The following UBAP2 variants were observed in gnomAD, a reference collection of about 807,000 sequenced individuals.
UBAP2 encodes the protein ubiquitin-associated protein 2.
Under a neutral mutation model 139.6 loss-of-function variants are expected in UBAP2, and 75 were observed. The observed-to-expected ratio is 0.54, with a 90% confidence interval of 0.45 to 0.65. The LOEUF (loss-of-function observed/expected upper bound fraction) is 0.65. Among genes scored for constraint, UBAP2 ranks in the 30% least tolerant of loss-of-function variants. The pLI is 0.00. For missense variants in UBAP2, 1,368 were observed against 1,369.6 expected (o/e 1.00, Z 0.02); for synonymous variants, 526 against 526.2 (o/e 1.00, Z 0.01).
At chr9:34,012,777 A>T (rs1295612804) in intron 2 of UBAP2, among the ~76,000 whole-genome samples, 3 of 152,120 alleles carry the variant, frequency 2.0e-5, no homozygotes, top group Admixed American at 2.0e-4. Context: ...GGGGAATCTG[A>T]AAAAAGGGTA....
intron 1 of UBAP2, among the ~76,000 whole-genome samples, chr9:34,018,426 C>T (rs1294690905): frequency 6.6e-6 from 1 of 150,942 alleles, no homozygotes; most frequent in Non-Finnish European, 1.5e-5. Context: ...GTGGTACAAC[C>T]ATCATTAAAA....
intron 1 of UBAP2, among the ~76,000 whole-genome samples, chr9:34,021,192 A>C (rs1824910908): frequency 6.6e-6 from 1 of 152,190 alleles, no homozygotes; most frequent in South Asian, 2.1e-4. Context: ...TAGCCAGAAA[A>C]GGTCTGACAA....
intron 2 of UBAP2, among the ~76,000 whole-genome samples, chr9:34,006,356 C>T (rs913789272): frequency 2.0e-5 from 3 of 151,780 alleles, no homozygotes; most frequent in African/African-American, 7.3e-5. Flanking sequence ...ACAAACTTGT[C>T]AAGAGCAATG....
intron 1 of UBAP2, among the ~76,000 whole-genome samples, chr9:34,029,476 C>G (rs1825700473): frequency 6.6e-6 from 1 of 151,398 alleles, no homozygotes; most frequent in African/African-American, 2.4e-5. Flanking sequence ...TTGCAATGAG[C>G]CAAGATTATG....
chr9:34,004,362 T>C (rs2131217246), intron 2 of UBAP2, among the ~76,000 whole-genome samples: 1 of 152,222 alleles, frequency 6.6e-6, no homozygotes, highest in South Asian at 2.1e-4. Flanking sequence ...GTAAGTGCTG[T>C]AGTCCCAGCT....
intron 17 of UBAP2, chr9:33,935,636 G>C (rs1442271252): frequency 4.8e-6 from 3 of 628,706 alleles, no homozygotes; most frequent in Non-Finnish European, 8.5e-6. Context: ...AAGAATATGA[G>C]ACCACCACCT....
intron 6 of UBAP2, among the ~76,000 whole-genome samples, chr9:33,973,888 G>C (rs1470859529): frequency 6.6e-6 from 1 of 152,150 alleles, no homozygotes; most frequent in Non-Finnish European, 1.5e-5. Context: ...AGAAAAAATA[G>C]ACAAAATGGA....
intron 1 of UBAP2, among the ~76,000 whole-genome samples, chr9:34,018,525 T>A (rs925562849): frequency 6.6e-6 from 1 of 151,924 alleles, no homozygotes; most frequent in African/African-American, 2.4e-5. Flanking sequence ...CAAAAACAAA[T>A]CTCAAAGCAG....
At chr9:33,974,222 T>C (rs554176945) in intron 6 of UBAP2, among the ~76,000 whole-genome samples, 2 of 152,186 alleles carry the variant, frequency 1.3e-5, no homozygotes, top group South Asian at 4.1e-4. Context: ...ACAAAACACA[T>C]ATTGGCTAGG....
chr9:34,017,270 AATAAAAG>A, intron 1 of UBAP2, 81 bp from the exon 2 acceptor site: 1 of 566,608 alleles, frequency 1.8e-6, no homozygotes, highest in East Asian at 3.4e-5. Flanking sequence ...GGACACTTAC[AATAAAAG>A]ATAAAAGCTC....
At chr9:33,936,940 A>T (rs1824584715) in intron 16 of UBAP2, among the ~76,000 whole-genome samples, 1 of 150,836 alleles carries the variant, frequency 6.6e-6, no homozygotes, top group African/African-American at 2.4e-5. Context: ...AAAAAAAAAA[A>T]AAAAAAAAAA....
intron 1 of UBAP2, among the ~76,000 whole-genome samples, chr9:34,033,672 C>T (rs973792454): frequency 1.3e-4 from 20 of 151,502 alleles, no homozygotes; most frequent in East Asian, 3.9e-4. Flanking sequence ...CTGCCTCCTG[C>T]GCTCAAGAGA....
intron 21 of UBAP2, 68 bp from the exon 22 acceptor site, chr9:33,926,732 A>G: frequency 6.4e-7 from 1 of 1,563,546 alleles, no homozygotes; most frequent in East Asian, 2.2e-5. Context: ...AGGTCCATCT[A>G]GGAGTCAAAA....
At chr9:34,007,739 C>A (rs1350230701) in intron 2 of UBAP2, among the ~76,000 whole-genome samples, 1 of 151,124 alleles carries the variant, frequency 6.6e-6, no homozygotes, top group African/African-American at 2.4e-5. Context: ...CCCCGATTCA[C>A]GCCATTCTCC....
At chr9:33,960,662 C>A (rs1251080613) in intron 10 of UBAP2, among the ~76,000 whole-genome samples, 164 bp downstream of exon 10, 2 of 152,004 alleles carry the variant, frequency 1.3e-5, no homozygotes, top group Non-Finnish European at 2.9e-5. Flanking sequence ...CATCTGTAAT[C>A]CCAGCTATTT....
chr9:33,969,106 C>T (rs1827696970), intron 8 of UBAP2, among the ~76,000 whole-genome samples: 1 of 152,162 alleles, frequency 6.6e-6, no homozygotes, highest in African/African-American at 2.4e-5. Context: ...TCCCCCCAGA[C>T]AGACCTGTTC....
At chr9:34,004,157 G>A (rs1822973204) in intron 2 of UBAP2, among the ~76,000 whole-genome samples, 1 of 152,098 alleles carries the variant, frequency 6.6e-6, no homozygotes, top group Non-Finnish European at 1.5e-5. Context: ...TATACTCAAC[G>A]AGCAGTAAAT....
At chr9:33,977,966 G>A (rs942749560) in intron 6 of UBAP2, among the ~76,000 whole-genome samples, 3 of 141,690 alleles carry the variant, frequency 2.1e-5, no homozygotes, top group African/African-American at 7.8e-5. Flanking sequence ...AGTGAGCCAA[G>A]ATCGCACCAC....
intron 1 of UBAP2, among the ~76,000 whole-genome samples, chr9:34,031,242 A>T (rs1166489112): frequency 6.7e-6 from 1 of 148,896 alleles, no homozygotes; most frequent in African/African-American, 2.5e-5. Context: ...GCACTACTGC[A>T]CTCCAGCCTG....
Sources: gnomAD v4.1 joint callset for allele counts (sites outside exome capture counted in the v4.1 genomes callset) on GRCh38, gnomAD v4.1.1 for gene constraint, MANE v1.5 for transcripts, NCBI Gene and HGNC (gene_info 2026-07-23, HGNC 2026-07-21) for gene names.